Variants in ATP10B observed in about 807,000 individuals in gnomAD.
ATP10B encodes ATPase phospholipid transporting 10B (putative).
Under a neutral mutation model 141.2 loss-of-function variants are expected in ATP10B, and 122 were observed. The observed-to-expected ratio is 0.86, with a 90% CI of 0.75 to 1.00. The LOEUF is 1.00. Ranked by LOEUF, ATP10B falls within the 50% of genes least tolerant of loss-of-function variation. The pLI is 0.00. For missense variants in ATP10B, 1,876 were observed against 1,825.3 expected (o/e 1.03, Z -0.51); for synonymous variants, 685 against 692.0 (o/e 0.99, Z 0.16).
At chr5:160,567,725 A>C (rs1456247557) in intron 25 of ATP10B, among the ~76,000 whole-genome samples, 3 of 152,104 alleles carry the variant, frequency 2.0e-5, no homozygotes, top group Non-Finnish European at 4.4e-5. Context: ...AGTTGGCCCA[A>C]GCAGAGCAGG....
intron 3 of ATP10B, among the ~76,000 whole-genome samples, chr5:160,700,423 G>A (rs1764604420): frequency 6.6e-6 from 1 of 152,094 alleles, no homozygotes; most frequent in Non-Finnish European, 1.5e-5. Flanking sequence ...TTCTCACCTC[G>A]ACTTATGTCA....
At chr5:160,916,600 G>A in the ATP10B span, among the ~76,000 whole-genome samples, 2 of 152,124 alleles carry the variant, frequency 1.3e-5, no homozygotes, top group South Asian at 2.1e-4. Flanking sequence ...CATGACTCTA[G>A]GAGGTAAGTG....
At chr5:160,596,781 C>T (rs1029392309) in intron 22 of ATP10B, among the ~76,000 whole-genome samples, 1 of 152,176 alleles carries the variant, frequency 6.6e-6, no homozygotes, top group Non-Finnish European at 1.5e-5. Context: ...CGTGAATGAA[C>T]TCCCACTCAC....
At chr5:160,621,371 C>G (rs969150188) in intron 14 of ATP10B, among the ~76,000 whole-genome samples, 3 of 152,162 alleles carry the variant, frequency 2.0e-5, no homozygotes, top group Admixed American at 6.5e-5. Context: ...AGTTGGAACT[C>G]AAACCCAGGT....
chr5:160,913,010 C>T, the ATP10B span, among the ~76,000 whole-genome samples: 1 of 152,212 alleles, frequency 6.6e-6, no homozygotes, highest in Non-Finnish European at 1.5e-5. Flanking sequence ...AGTAGTGTCC[C>T]AATGTTTCTC....
chr5:160,718,171 C>A (rs1254200828), intron 2 of ATP10B, among the ~76,000 whole-genome samples: 1 of 152,170 alleles, frequency 6.6e-6, no homozygotes, highest in African/African-American at 2.4e-5. Context: ...AAACTTTGGC[C>A]AGGAATTGGA....
intron 1 of ATP10B, among the ~76,000 whole-genome samples, chr5:160,808,241 A>G (rs376742783): frequency 6.6e-6 from 1 of 152,180 alleles, no homozygotes; most frequent in African/African-American, 2.4e-5. Flanking sequence ...TTGTGTAAGA[A>G]AAAAAGAAGA....
intron 7 of ATP10B, among the ~76,000 whole-genome samples, chr5:160,661,178 C>T (rs1339153166): frequency 6.6e-6 from 1 of 151,624 alleles, no homozygotes; most frequent in African/African-American, 2.4e-5. Context: ...AAGAGTGAAA[C>T]TCTGTCTCAA....
intron 2 of ATP10B, among the ~76,000 whole-genome samples, chr5:160,751,983 C>T (rs1460222308): frequency 6.6e-6 from 1 of 152,078 alleles, no homozygotes; most frequent in Non-Finnish European, 1.5e-5. Context: ...GCGTACATCC[C>T]CCTAATTGGC....
At chr5:160,738,604 T>C (rs1290902360) in intron 2 of ATP10B, among the ~76,000 whole-genome samples, 3 of 152,080 alleles carry the variant, frequency 2.0e-5, no homozygotes, top group African/African-American at 4.8e-5. Flanking sequence ...AGGAACATTA[T>C]GAACAACTTT....
intron 3 of ATP10B, among the ~76,000 whole-genome samples, chr5:160,716,269 TATA>T (rs1765654122): frequency 6.6e-6 from 1 of 152,226 alleles, no homozygotes; most frequent in Admixed American, 6.5e-5. Context: ...ATACATAGCA[TATA>T]ATAATGTCTT....
chr5:160,747,389 A>C (rs1767876843), intron 2 of ATP10B, among the ~76,000 whole-genome samples: 1 of 152,174 alleles, frequency 6.6e-6, no homozygotes, highest in African/African-American at 2.4e-5. Context: ...CCCACCAAAA[A>C]ATATGTTGAG....
the ATP10B span, among the ~76,000 whole-genome samples, chr5:160,861,416 A>G: frequency 1.3e-5 from 2 of 148,944 alleles, no homozygotes; most frequent in African/African-American, 5.2e-5. Flanking sequence ...ATTCTGAAGA[A>G]AGTTTTAAAA....
At chr5:160,928,314 G>A in the ATP10B span, among the ~76,000 whole-genome samples, 1 of 152,156 alleles carries the variant, frequency 6.6e-6, no homozygotes, top group East Asian at 1.9e-4. Context: ...AACCCCACAA[G>A]AGCGGGCCAT....
In ATP10B at chr5:160,716,866, A is replaced by C. The variant is rs547421307; in HGVS notation, c.-205+43T>G. ...TACATCCACCTCAGTCATGTTCCACATAGGAAAAGGAAAGAAACGGGGAAG... is the reference window on the plus strand; with the variant it reads ...TACATCCACCTCAGTCATGTTCCACCTAGGAAAAGGAAAGAAACGGGGAAG... On this transcript the variant is annotated intron_variant, in intron 3 of 25. Coordinates refer to ENST00000327245, the MANE Select transcript of ATP10B (RefSeq NM_025153.3). 3.1e-6 allele frequency: 3 copies of C among 979,554 alleles called. No homozygotes were observed. The South Asian group carries it at 1.4e-4, about 46-fold the overall frequency. 60.7% of individuals were successfully genotyped at this position (979,554 alleles called of 1,614,324 possible). A position where few individuals can be genotyped will look rare whatever the true frequency, so the allele number is the denominator to read the frequency against.
intron 13 of ATP10B, among the ~76,000 whole-genome samples, chr5:160,630,934 C>A (rs965822303): frequency 4.6e-5 from 7 of 152,058 alleles, no homozygotes; most frequent in Admixed American, 3.9e-4. Flanking sequence ...AAACACAGTC[C>A]TTGGTTATGA....
chr5:160,778,676 C>T (rs1770508712), intron 2 of ATP10B, among the ~76,000 whole-genome samples: 1 of 152,054 alleles, frequency 6.6e-6, no homozygotes, highest in Non-Finnish European at 1.5e-5. Flanking sequence ...AAAATATTGA[C>T]TTTTTTAAAA....
the ATP10B span, among the ~76,000 whole-genome samples, chr5:160,859,057 C>T: frequency 1.7e-3 from 253 of 151,722 alleles, 2 homozygotes; most frequent in African/African-American, 5.8e-3. Flanking sequence ...TTTGTCTTTC[C>T]TTTTTGTTTA....
At chr5:160,572,743 A>G (rs897880980) in intron 24 of ATP10B, among the ~76,000 whole-genome samples, 4 of 152,222 alleles carry the variant, frequency 2.6e-5, no homozygotes, top group African/African-American at 7.2e-5. Context: ...CTTTTGGAAA[A>G]TATCTTGGAC....
Sources: gnomAD v4.1 joint callset for allele counts (sites outside exome capture counted in the v4.1 genomes callset) on GRCh38, gnomAD v4.1.1 for gene constraint, MANE v1.5 for transcripts, NCBI Gene and HGNC (gene_info 2026-07-23, HGNC 2026-07-21) for gene names.